Variants in MAPKAPK5 observed in about 807,000 individuals in gnomAD.
MAPKAPK5 encodes the protein MAP kinase-activated protein kinase 5.
MAPKAPK5 carries 30 observed loss-of-function variants against 65.1 expected under a neutral mutation model. The observed-to-expected ratio is 0.46, with a 90% CI of 0.34 to 0.63. The LOEUF is 0.63. Among genes scored for constraint, MAPKAPK5 ranks in the 20% least tolerant of loss-of-function variants. The pLI is 0.01. For missense variants in MAPKAPK5, 433 were observed against 581.4 expected (o/e 0.74, Z 2.63); for synonymous variants, 179 against 204.6 (o/e 0.87, Z 1.07).
chr12:111,884,210 G>C (rs566818388), intron 9 of MAPKAPK5, among the ~76,000 whole-genome samples: 1 of 152,040 alleles, frequency 6.6e-6, no homozygotes, highest in Admixed American at 6.6e-5. Context: ...CCACCTTCGC[G>C]CTGCCAGTTG....
chr12:111,842,941 TGTGG>T lies in MAPKAPK5; in HGVS notation c.36+176_36+179del, dbSNP rs3216912. On this transcript the variant is annotated intron_variant, in intron 1 of 13. Transcript: ENST00000550735. Reference sequence around the variant, plus strand: ...CAGCCCTGGGGCCAAGGGTTATGGGTGTGGGTGTAGGTGTGTGTCCGACTCCCGC... The same window carrying T: ...CAGCCCTGGGGCCAAGGGTTATGGGTGTGTAGGTGTGTGTCCGACTCCCGC... 0.053 allele frequency: 26,991 copies of T among 513,278 alleles called. 6,158 individuals carry two copies. The East Asian group carries it at 0.63, about 12-fold the overall frequency. The allele number at this position is 513,278 out of a possible 1,614,324, so 31.8% of individuals were successfully genotyped here. A position where few individuals can be genotyped will look rare whatever the true frequency, so the allele number is the denominator to read the frequency against.
At chr12:111,887,814 T>TACACACACACAC (rs58382752) in intron 10 of MAPKAPK5, 10 of 144,984 alleles carry the variant, frequency 6.9e-5, no homozygotes, top group South Asian at 2.3e-4. Flanking sequence ...TTTTCTGGGA[T>TACACACACACAC]ACACACACAC....
chr12:111,847,493 T>C (rs971557458), intron 1 of MAPKAPK5, among the ~76,000 whole-genome samples: 12 of 152,112 alleles, frequency 7.9e-5, no homozygotes, highest in Non-Finnish European at 1.2e-4. Context: ...ATCTGGAGAG[T>C]GGGCATTTTG....
At chr12:111,868,892 C>T in intron 5 of MAPKAPK5, 31 bp downstream of exon 5, 2 of 1,501,392 alleles carry the variant, frequency 1.3e-6, no homozygotes, top group Admixed American at 2.3e-5. Flanking sequence ...AATCAAACTG[C>T]CACCAAAGTT....
At chr12:111,848,571 GC>G (rs2068974536) in intron 1 of MAPKAPK5, among the ~76,000 whole-genome samples, 1 of 151,930 alleles carries the variant, frequency 6.6e-6, no homozygotes, top group Non-Finnish European at 1.5e-5. Context: ...CTGCCATCAT[GC>G]CCAGCTAATT....
chr12:111,871,229 C>A (rs895943668), intron 7 of MAPKAPK5, 49 bp downstream of exon 7: 3 of 1,476,926 alleles, frequency 2.0e-6, no homozygotes, highest in Admixed American at 1.7e-5. Flanking sequence ...AGCTGCCCAT[C>A]AACTCGTGTT....
intron 7 of MAPKAPK5, among the ~76,000 whole-genome samples, chr12:111,874,488 G>C (rs912986863): frequency 5.0e-5 from 2 of 40,150 alleles, no homozygotes; most frequent in African/African-American, 1.8e-4. Context: ...TTTTTTTTTT[G>C]AGATGGAATT....
In MAPKAPK5 at chr12:111,901,770, G is replaced by A. The variant is rs1414802914; in HGVS notation, c.*8709G>A. The A allele has an allele frequency of 5.4e-6, 1 of 183,906 alleles. No homozygotes were observed. Among genetic ancestry groups the A allele is most frequent in the African/African-American group, 2.4e-5 (1 of 41,666 alleles). 11.4% of individuals were successfully genotyped at this position (183,906 alleles called of 1,614,324 possible). A position where few individuals can be genotyped will look rare whatever the true frequency, so the allele number is the denominator to read the frequency against. ...CTCAAGTACTGAGTGGGAATGAGAT[G>A]TTTGGTGAAGTAGAAATAGATAGCT... On this transcript the variant is annotated 3_prime_UTR_variant, in exon 14 of 14. Coordinates refer to ENST00000550735, the MANE Select transcript of MAPKAPK5 (RefSeq NM_003668.4).
intron 1 of MAPKAPK5, 60 bp downstream of exon 1, chr12:111,842,829 G>A (rs867332909): frequency 1.6e-6 from 2 of 1,265,518 alleles, no homozygotes; most frequent in Middle Eastern, 2.1e-4. Flanking sequence ...CTCGGCTCTA[G>A]CCTCAAAAAG....
chr12:111,888,944 A>T lies in MAPKAPK5; in HGVS notation c.1160A>T (p.Asn387Ile). The part of the protein sequence containing the change: ...HDHENGAEDS[N>I]VALEKLRDVI... ...CATGAGAATGGAGCCGAGGATTCCA[A>T]TGTTGCCTTGGAAAAACTCCGAGAT... is the stretch of plus-strand genomic sequence containing the variant. The change falls in exon 12 of 14, where the codon AAT becomes ATT. Residue 387 changes from asparagine (N) to isoleucine (I), a missense_variant. This residue lies in a region of MAPKAPK5 where 169 missense variants were observed against 215.6 expected (regional missense o/e 0.78). Coordinates refer to ENST00000550735, the MANE Select transcript of MAPKAPK5 (RefSeq NM_003668.4). 1 of 1,612,164 alleles carries T rather than the reference A, an allele frequency of 6.2e-7. No homozygotes were observed. Among genetic ancestry groups the T allele is most frequent in the South Asian group, 1.1e-5 (1 of 90,556 alleles).
chr12:111,865,232 C>A lies in MAPKAPK5; in HGVS notation c.37-18C>A. 6.6e-7 allele frequency: 1 copy of A among 1,511,868 alleles called. No individual in the cohort carries two copies. The highest frequency in any genetic ancestry group is 2.4e-5 in the East Asian group (1 of 41,538). 93.7% of individuals were successfully genotyped at this position (1,511,868 alleles called of 1,614,324 possible). On this transcript the variant is annotated intron_variant, in intron 1 of 13. Coordinates refer to ENST00000550735, the MANE Select transcript of MAPKAPK5 (RefSeq NM_003668.4). ...TGAGGAATCATTCTCTGTCCTCTCCCTTTTTTTATATTAATAGGAAACTTC... is the reference window on the plus strand; with the variant it reads ...TGAGGAATCATTCTCTGTCCTCTCCATTTTTTTATATTAATAGGAAACTTC...
chr12:111,861,904 C>T (rs566081049), intron 1 of MAPKAPK5, among the ~76,000 whole-genome samples: 2 of 152,146 alleles, frequency 1.3e-5, no homozygotes, highest in Admixed American at 1.3e-4. Flanking sequence ...AATTTGCTGA[C>T]CCCTTGTCTT....
chr12:111,874,133 G>A (rs1023368435), intron 7 of MAPKAPK5, among the ~76,000 whole-genome samples: 11 of 152,200 alleles, frequency 7.2e-5, no homozygotes, highest in Middle Eastern at 3.4e-3. Context: ...GGTGGTTCAC[G>A]CCTGTTATAC....
At chr12:111,864,247 C>T (rs945708711) in intron 1 of MAPKAPK5, among the ~76,000 whole-genome samples, 1 of 152,108 alleles carries the variant, frequency 6.6e-6, no homozygotes, top group Non-Finnish European at 1.5e-5. Flanking sequence ...TGCACTCCAG[C>T]CTGGGTGACC....
At chr12:111,864,000 C>G (rs1201073523) in intron 1 of MAPKAPK5, among the ~76,000 whole-genome samples, 1 of 152,160 alleles carries the variant, frequency 6.6e-6, no homozygotes, top group Middle Eastern at 3.4e-3. Context: ...AAATATGTGA[C>G]TTTCTTGCCT....
chr12:111,868,031 C>A (rs1230705025), intron 4 of MAPKAPK5, among the ~76,000 whole-genome samples: 2 of 152,088 alleles, frequency 1.3e-5, no homozygotes, highest in East Asian at 1.9e-4. Flanking sequence ...GATTCTATTT[C>A]AAATCAGTGA....
Position 111,900,592 on chromosome 12 carries a change from A to T in MAPKAPK5, c.*7531A>T, listed in dbSNP as rs1308295187. On this transcript the variant is annotated 3_prime_UTR_variant, in exon 14 of 14. Transcript: ENST00000550735. ...TCTGCCTGTGGAAATGGTGTGGTGG[A>T]GGACACGGAGCAGTGTGACTGTGGT... The T allele has an allele frequency of 2.2e-6, 1 of 456,142 alleles. No homozygotes were observed. The highest frequency in any genetic ancestry group is 4.4e-6 in the Non-Finnish European group (1 of 226,806). The allele number at this position is 456,142 out of a possible 1,614,324, so 28.3% of individuals were successfully genotyped here.
intron 7 of MAPKAPK5, among the ~76,000 whole-genome samples, chr12:111,872,432 T>G (rs1386076871): frequency 6.6e-6 from 1 of 152,200 alleles, no homozygotes; most frequent in East Asian, 1.9e-4. Flanking sequence ...GGCATTCATC[T>G]TTTGCCATTT....
At position 111,865,258 on chromosome 12, in the gene MAPKAPK5, C is replaced by G. The variant is rs760834898; in HGVS notation, c.45C>G (p.Ser15=). The G allele has an allele frequency of 3.7e-5, 58 of 1,575,806 alleles. No individual in the cohort carries two copies. Among genetic ancestry groups the G allele is most frequent in the Non-Finnish European group, 4.7e-5 (55 of 1,158,712 alleles). The change falls in exon 2 of 14, where the codon TCC becomes TCG. Residue 15 remains serine, a synonymous_variant. Coordinates refer to ENST00000550735, the MANE Select transcript of MAPKAPK5 (RefSeq NM_003668.4). ...SDMDKAIKET[S]ILEEYSINWT... is the part of the protein sequence containing the mutation. ...TTTTTTTATATTAATAGGAAACTTC[C>G]ATTTTAGAAGAATACAGTATCAATT...
Sources: gnomAD v4.1 joint callset for allele counts (sites outside exome capture counted in the v4.1 genomes callset) on GRCh38, gnomAD v4.1.1 for gene constraint, gnomAD v4.1.1 regional missense constraint, MANE v1.5 for transcripts, NCBI Gene and HGNC (gene_info 2026-07-23, HGNC 2026-07-21) for gene names.